Variants in GPHN observed in about 807,000 individuals in gnomAD.
GPHN encodes gephyrin.
In GPHN, 17 loss-of-function variants were observed where a neutral mutation model predicts 95.5. The ratio of observed to expected loss-of-function variants is 0.18; its 90% CI spans 0.12 to 0.27. The LOEUF is 0.27. GPHN is among the 10% of genes least tolerant of loss of function. The probability of loss-of-function intolerance (pLI) is 1.00; values close to 1 mark genes in which losing one functional copy is unlikely to be tolerated. For synonymous variants in GPHN, 320 were observed against 322.5 expected, an observed-to-expected ratio of 0.99 and a Z score of 0.08; for missense variants, 660 against 978.1, an observed-to-expected ratio of 0.67 and a Z score of 4.34.
Position 66,922,710 on chromosome 14 carries a change from C to T in GPHN, c.501C>T (p.Asp167=), listed in dbSNP as rs749859135. Residue 167 remains aspartate (D), a synonymous_variant, in exon 7 of 23, where the codon GAC becomes GAT. Coordinates refer to ENST00000478722, the MANE Select transcript of GPHN (RefSeq NM_020806.5). Reference sequence around the variant, plus strand: ...TGCCAGCTCTACCTCATGCCATTGACCTTTTACGTGATGCCATTGTAAAAG... The same window carrying T: ...TGCCAGCTCTACCTCATGCCATTGATCTTTTACGTGATGCCATTGTAAAAG... ...FILPALPHAI[D]LLRDAIVKVK... The T allele has an allele frequency of 6.2e-6, 10 of 1,613,306 alleles. No homozygotes were observed. In the East Asian group the frequency reaches 2.0e-4, roughly 32 times the overall value.
chr14:66,731,507 G>T (rs1242430383), intron 2 of GPHN, among the ~76,000 whole-genome samples: 1 of 152,254 alleles, frequency 6.6e-6, no homozygotes, highest in Admixed American at 6.5e-5. Flanking sequence ...AAAGAGACTA[G>T]TGGCATTTTG....
chr14:67,577,980 A>G, the GPHN span: 1 of 1,580,338 alleles, frequency 6.3e-7, no homozygotes, highest in South Asian at 1.1e-5. Flanking sequence ...CTCTGAACCC[A>G]GGGGATGCTG....
chr14:67,449,193 T>A, the GPHN span, among the ~76,000 whole-genome samples: 1 of 152,190 alleles, frequency 6.6e-6, no homozygotes, highest in African/African-American at 2.4e-5. Flanking sequence ...TCCTCTCCAA[T>A]ACTAAGAGTC....
intron 4 of GPHN, among the ~76,000 whole-genome samples, chr14:66,865,040 A>G (rs1339403639): frequency 6.6e-6 from 1 of 152,146 alleles, no homozygotes; most frequent in Non-Finnish European, 1.5e-5. Context: ...GTTCTCACTC[A>G]TTTGTGTGAG....
At chr14:67,029,988 CTT>C (rs10561726) in intron 10 of GPHN, among the ~76,000 whole-genome samples, 38,076 of 129,624 alleles carry the variant, frequency 0.29, 8,034 homozygotes, top group African/African-American at 0.61. Context: ...TTTGGTAGCT[CTT>C]TTTTTTTTTT....
At chr14:67,038,980 T>A (rs1482398927) in intron 10 of GPHN, among the ~76,000 whole-genome samples, 1 of 152,218 alleles carries the variant, frequency 6.6e-6, no homozygotes, top group Non-Finnish European at 1.5e-5. Flanking sequence ...CCTTTGGGAT[T>A]GCAGTAGCAT....
the GPHN span, among the ~76,000 whole-genome samples, chr14:67,444,361 G>T: frequency 2.6e-5 from 4 of 152,210 alleles, no homozygotes; most frequent in African/African-American, 9.7e-5. Context: ...TTGCTTTTCA[G>T]TGGAGGAGAG....
chr14:66,916,105 G>T (rs2065883141), intron 6 of GPHN, 36 bp downstream of exon 6: 1 of 1,384,032 alleles, frequency 7.2e-7, no homozygotes, highest in African/African-American at 1.4e-5. Context: ...TTTAGTGTAA[G>T]AGCTTTTGAC....
At chr14:66,631,185 A>G (rs958755486) in intron 1 of GPHN, among the ~76,000 whole-genome samples, 2 of 152,020 alleles carry the variant, frequency 1.3e-5, no homozygotes, top group Non-Finnish European at 2.9e-5. Context: ...AGTAGCTGGG[A>G]TAACAGGCAC....
the GPHN span, among the ~76,000 whole-genome samples, chr14:67,429,210 G>C: frequency 6.6e-6 from 1 of 151,868 alleles, no homozygotes; most frequent in Non-Finnish European, 1.5e-5. Context: ...AGCACTTTGG[G>C]AGGCTGAGGC....
chr14:67,552,850 G>A, the GPHN span, among the ~76,000 whole-genome samples: 5 of 152,060 alleles, frequency 3.3e-5, no homozygotes, highest in Non-Finnish European at 7.4e-5. Context: ...GGGTGACCCA[G>A]GGCTGGGAGG....
At chr14:66,763,484 G>A (rs970583166) in intron 2 of GPHN, among the ~76,000 whole-genome samples, 1 of 145,484 alleles carries the variant, frequency 6.9e-6, no homozygotes, top group Admixed American at 7.1e-5. Context: ...AGTGAGAATA[G>A]GCGGTGTTTG....
At chr14:66,988,748 G>T (rs182380399) in intron 9 of GPHN, among the ~76,000 whole-genome samples, 1 of 152,020 alleles carries the variant, frequency 6.6e-6, no homozygotes, top group East Asian at 1.9e-4. Flanking sequence ...GTGACAGATA[G>T]TTCAGACTAT....
chr14:67,086,588 C>T (rs1177746300), intron 11 of GPHN, among the ~76,000 whole-genome samples: 1 of 149,392 alleles, frequency 6.7e-6, no homozygotes, highest in Admixed American at 6.7e-5. Flanking sequence ...GGGGGCGGAG[C>T]CTGCAGTGAG....
chr14:67,356,325 G>C, the GPHN span, among the ~76,000 whole-genome samples: 2 of 151,582 alleles, frequency 1.3e-5, no homozygotes, highest in Admixed American at 6.6e-5. Context: ...GGAGTCTGAG[G>C]CACAAAAATC....
At chr14:67,644,705 TC>T in the GPHN span, among the ~76,000 whole-genome samples, 3 of 152,034 alleles carry the variant, frequency 2.0e-5, no homozygotes, top group Non-Finnish European at 2.9e-5. Context: ...CACTTTAAGA[TC>T]TTATATTTGA....
chr14:66,986,917 C>T lies in GPHN; in HGVS notation c.963+21592C>T, dbSNP rs769010319. On this transcript the variant is annotated intron_variant, in intron 9 of 22. Coordinates refer to ENST00000478722, the MANE Select transcript of GPHN (RefSeq NM_020806.5). ...GTTATTGTTTATTTGTTTGTGTGTG[C>T]GCACGCACATGAGTGCACATGGATG... Among the ~76,000 whole-genome samples, 51 of 152,238 alleles carry T rather than the reference C, an allele frequency of 3.4e-4. No homozygotes were observed. In the Middle Eastern group the frequency reaches 0.014, roughly 41 times the overall value.
At chr14:66,674,612 T>C (rs1724295291) in intron 1 of GPHN, among the ~76,000 whole-genome samples, 1 of 152,226 alleles carries the variant, frequency 6.6e-6, no homozygotes, top group African/African-American at 2.4e-5. Flanking sequence ...TCCAGGGTGA[T>C]CCATATTGCT....
chr14:66,853,064 A>G (rs1596150608), intron 4 of GPHN, among the ~76,000 whole-genome samples: 1 of 152,242 alleles, frequency 6.6e-6, no homozygotes, highest in South Asian at 2.1e-4. Flanking sequence ...ATGAAGAACC[A>G]CAGGCACTTG....
Sources: allele counts gnomAD v4.1 joint callset (sites outside exome capture counted in the v4.1 genomes callset), GRCh38; gene constraint gnomAD v4.1.1; transcripts MANE v1.5; gene names NCBI Gene and HGNC (gene_info 2026-07-23, HGNC 2026-07-21).